The following PLEKHM2 variants were observed in gnomAD, a reference collection of about 807,000 sequenced individuals.
PLEKHM2 encodes the protein pleckstrin homology domain-containing family M member 2.
A neutral mutation model predicts 116.3 loss-of-function variants in PLEKHM2; 77 were observed. The observed-to-expected ratio is 0.66, with a 90% confidence interval of 0.55 to 0.80. The LOEUF (loss-of-function observed/expected upper bound fraction) is 0.80, where lower values mean the gene tolerates loss of function less well. Among genes scored for constraint, PLEKHM2 ranks in the 30% least tolerant of loss-of-function variants. The pLI, the probability that PLEKHM2 is intolerant of heterozygous loss-of-function variation, is 0.00. For missense variants in PLEKHM2, 1,183 were observed against 1,354.9 expected, an observed-to-expected ratio of 0.87 and a Z score of 1.99; for synonymous variants, 562 against 571.0, an observed-to-expected ratio of 0.98 and a Z score of 0.22.
At chr1:15,708,037 A>G (rs973693015) in intron 1 of PLEKHM2, among the ~76,000 whole-genome samples, 3 of 151,872 alleles carry the variant, frequency 2.0e-5, no homozygotes, top group African/African-American at 7.3e-5. Context: ...GGCACCCACC[A>G]CTATTCCCAG....
intron 1 of PLEKHM2, among the ~76,000 whole-genome samples, chr1:15,688,955 A>T (rs940973153): frequency 3.3e-5 from 5 of 152,022 alleles, no homozygotes; most frequent in Non-Finnish European, 5.9e-5. Flanking sequence ...ATGCCATAAG[A>T]AGCAACCTCC....
At chr1:15,715,074 T>C (rs1641417325) in intron 1 of PLEKHM2, among the ~76,000 whole-genome samples, 1 of 152,188 alleles carries the variant, frequency 6.6e-6, no homozygotes, top group Admixed American at 6.5e-5. Context: ...AACAGTGGTG[T>C]CCTTCTTGGT....
In PLEKHM2 at chr1:15,727,485, T is replaced by C; in HGVS notation, c.1413T>C (p.Ser471=). The C allele has an allele frequency of 6.3e-7, 1 of 1,595,316 alleles. No homozygotes were observed. The highest frequency in any genetic ancestry group is 8.5e-7 in the Non-Finnish European group (1 of 1,171,994). The change falls in exon 9 of 20, where the codon AGT becomes AGC. Residue 471 remains serine (S), a synonymous_variant. Transcript: ENST00000375799. The surrounding 1 kb of genome is among the most constrained non-coding windows in gnomAD (Gnocchi z 7.5). ...ACTTCTACCGCTTTACCGTCGAGAG[T>C]CCAAGCACTGTTACATCAGGTGGCG... ...PMDFYRFTVE[S]PSTVTSGGGH... is the part of the protein sequence containing the mutation.
In PLEKHM2 at chr1:15,684,571, GA is replaced by G; in HGVS notation, c.14del (p.Glu5GlyfsTer2). On this transcript the variant is annotated frameshift_variant, in exon 1 of 20. Coordinates refer to ENST00000375799, the MANE Select transcript of PLEKHM2 (RefSeq NM_015164.4). LOFTEE classifies it high-confidence loss of function. MEPGEVKDRILENIS... is the reference protein window; with the variant it reads MEPGXVKDRILENIS... ...CGGTGGCAGCGCCATGGAGCCGGGG[GA>G]GGTGAAGGACCGGATCCTGGAGAAC... 1 of 1,299,694 alleles carries G rather than the reference GA, an allele frequency of 7.7e-7. No individual in the cohort carries two copies. The highest frequency in any genetic ancestry group is 2.8e-5 in the Admixed American group (1 of 35,534). 80.5% of individuals were successfully genotyped at this position (1,299,694 alleles called of 1,614,324 possible). A position where few individuals can be genotyped will look rare whatever the true frequency, so the allele number is the denominator to read the frequency against.
chr1:15,684,048 GCTGAGGAGGGCTTGGGGAGGGTCT>G (rs1257738748), upstream of PLEKHM2, among the ~76,000 whole-genome samples: 2 of 149,510 alleles, frequency 1.3e-5, no homozygotes, highest in Non-Finnish European at 3.0e-5. Flanking sequence ...GAATCTGTGG[GCTGAGGAGGGCTTGGGGAGGGTCT>G]CTGAGGAGCC....
rs1396290375 is a variant in PLEKHM2, at chr1:15,729,485, T to TGAAC, written c.2075+297_2075+300dup. ...CATGCTGCTGGGCCAGGCGTGCCCT[T>TGAAC]GAACGCCTGCATCCTTGTCGTGGCT... On this transcript the variant is annotated intron_variant, in intron 13 of 19. Coordinates refer to ENST00000375799, the MANE Select transcript of PLEKHM2 (RefSeq NM_015164.4). This position sits in a 1 kb window ranked among gnomAD's most constrained non-coding sequence, Gnocchi z 4.7. Among the ~76,000 whole-genome samples the TGAAC allele has an allele frequency of 1.3e-5, 2 of 152,174 alleles. No homozygotes were observed. Among genetic ancestry groups the TGAAC allele is most frequent in the Admixed American group, 6.5e-5 (1 of 15,276 alleles).
Position 15,731,210 on chromosome 1 carries a change from G to A in PLEKHM2, c.2418G>A (p.Gln806=). ...CCTGCAGCAACGGGATCCTCTACCA[G>A]TACCCGGACCGCACCGACGTCATCC... The part of the protein sequence containing the change: ...FVVLSNGILY[Q]YPDRTDVIPL... Residue 806 remains glutamine, a synonymous_variant, in exon 16 of 20, where the codon CAG becomes CAA. Coordinates refer to ENST00000375799, the MANE Select transcript of PLEKHM2 (RefSeq NM_015164.4). 1 of 1,599,110 alleles carries A rather than the reference G, an allele frequency of 6.3e-7. No individual in the cohort carries two copies.
chr1:15,725,019 G>C, intron 7 of PLEKHM2, among the ~76,000 whole-genome samples: 1 of 152,194 alleles, frequency 6.6e-6, no homozygotes. Context: ...CTTAAGCCTG[G>C]AGCTTGAGCC....
At chr1:15,722,271 G>A (rs1354499366) in intron 7 of PLEKHM2, among the ~76,000 whole-genome samples, 1 of 152,214 alleles carries the variant, frequency 6.6e-6, no homozygotes, top group East Asian at 1.9e-4. Flanking sequence ...AGCCTCCCAA[G>A]TAGCTGGGAT....
At position 15,727,051 on chromosome 1, in the gene PLEKHM2, A is replaced by G; in HGVS notation, c.979A>G (p.Ser327Gly). 1 of 1,489,898 alleles carries G rather than the reference A, an allele frequency of 6.7e-7. No homozygotes were observed. Among genetic ancestry groups the G allele is most frequent in the Non-Finnish European group, 8.9e-7 (1 of 1,121,784 alleles). The allele number at this position is 1,489,898 out of a possible 1,614,324, so 92.3% of individuals were successfully genotyped here. ...GAAGAAAATTGGCAAGAAGAAAAAG[A>G]GCAGATCAGATGAGGAGGCAAGTCC... Reference protein sequence around the residue: ...KKKKIGKKKKSRSDEEASPLH... With the variant: ...KKKKIGKKKKGRSDEEASPLH... The change falls in exon 9 of 20, where the codon AGC becomes GGC. Residue 327 changes from serine to glycine, a missense_variant. Ser to Gly is a moderately conservative substitution (Grantham distance 56). Transcript: ENST00000375799. This position sits in a 1 kb window ranked among gnomAD's most constrained non-coding sequence, Gnocchi z 7.5.
intron 1 of PLEKHM2, among the ~76,000 whole-genome samples, chr1:15,698,299 G>T (rs1641039934): frequency 6.6e-6 from 1 of 151,952 alleles, no homozygotes; most frequent in African/African-American, 2.4e-5. Context: ...AAGCTCCTGG[G>T]CTAAAGCAAT....
intron 16 of PLEKHM2, 56 bp from the exon 17 acceptor site, chr1:15,731,833 C>T (rs1338579442): frequency 1.2e-5 from 18 of 1,480,898 alleles, no homozygotes; most frequent in Middle Eastern, 2.2e-4. Context: ...TGGGGGCTGT[C>T]GCCCCGTGCT....
intron 1 of PLEKHM2, among the ~76,000 whole-genome samples, chr1:15,699,503 C>T (rs968366746): frequency 6.6e-6 from 1 of 152,166 alleles, no homozygotes; most frequent in Non-Finnish European, 1.5e-5. Flanking sequence ...GCATCCATAT[C>T]CCTGCAAAGG....
intron 1 of PLEKHM2, among the ~76,000 whole-genome samples, chr1:15,703,329 C>G (rs543736854): frequency 6.8e-6 from 1 of 148,042 alleles, no homozygotes; most frequent in South Asian, 2.1e-4. Flanking sequence ...ACGCTTACAG[C>G]CATCTGTCCA....
chr1:15,729,114 C>A lies in PLEKHM2; in HGVS notation c.1999C>A (p.Gln667Lys), dbSNP rs1054278712. ...ELDYVSVGLD[Q>K]QTVKLVCTNR... ...TGGTTTCTGGCAGGTTGGCCTTGAC[C>A]AGCAGACGGTGAAGCTGGTGTGCAC... The change falls in exon 13 of 20, where the codon CAG becomes AAG. Residue 667 changes from glutamine to lysine, a missense_variant. Physicochemically the swap from Gln to Lys is moderately conservative, Grantham distance 53 (BLOSUM62 1). Around this residue, in one of 3 missense-constraint regions of PLEKHM2, gnomAD observed 594 missense variants for 720.1 expected, o/e 0.82. Transcript: ENST00000375799. This position sits in a 1 kb window ranked among gnomAD's most constrained non-coding sequence, Gnocchi z 4.7. 4.3e-6 allele frequency: 7 copies of A among 1,609,490 alleles called. No homozygotes were observed. The African/African-American group carries it at 9.4e-5, about 22-fold the overall frequency.
intron 1 of PLEKHM2, among the ~76,000 whole-genome samples, chr1:15,703,482 C>A (rs1470360813): frequency 1.3e-5 from 2 of 152,182 alleles, no homozygotes; most frequent in African/African-American, 4.8e-5. Flanking sequence ...AGGGTTGCAG[C>A]CTCTTTTTGA....
chr1:15,694,558 A>G (rs1180271542), intron 1 of PLEKHM2, among the ~76,000 whole-genome samples: 2 of 152,038 alleles, frequency 1.3e-5, no homozygotes, highest in Non-Finnish European at 2.9e-5. Flanking sequence ...AGGTGCAAAC[A>G]TCCTAGAACT....
chr1:15,683,730 C>T (rs1229173597), upstream of PLEKHM2, among the ~76,000 whole-genome samples: 1 of 147,500 alleles, frequency 6.8e-6, no homozygotes, highest in African/African-American at 2.5e-5. Flanking sequence ...GTTGGGGTCT[C>T]CGGAGTCCCT....
chr1:15,702,279 GGA>G (rs1641130803), intron 1 of PLEKHM2, among the ~76,000 whole-genome samples: 2 of 152,186 alleles, frequency 1.3e-5, no homozygotes, highest in Admixed American at 1.3e-4. Flanking sequence ...AGGACTCAGT[GGA>G]CCAAGAGGGC....
Sources: gnomAD v4.1 joint callset for allele counts (sites outside exome capture counted in the v4.1 genomes callset) on GRCh38, gnomAD v4.1.1 for gene constraint, gnomAD v4.1.1 regional missense constraint, Gnocchi (gnomAD v3.1) non-coding constraint, MANE v1.5 for transcripts, NCBI Gene and HGNC (gene_info 2026-07-23, HGNC 2026-07-21) for gene names.